Variants in METTL16 observed in about 807,000 individuals in gnomAD.
METTL16 encodes methyltransferase 16, RNA N6-adenosine.
In METTL16, 19 loss-of-function variants were observed where a neutral mutation model predicts 57.9. The ratio of observed to expected loss-of-function variants is 0.33; its 90% confidence interval spans 0.23 to 0.48. The LOEUF (loss-of-function observed/expected upper bound fraction) is 0.48, where lower values mean the gene tolerates loss of function less well. METTL16 is among the 20% of genes least tolerant of loss of function. METTL16 has a pLI of 0.99. For missense variants in METTL16, 434 were observed against 691.5 expected (o/e 0.63, Z 4.18); for synonymous variants, 246 against 255.6 (o/e 0.96, Z 0.36).
At chr17:2,445,606 CA>C (rs2066989210) in intron 6 of METTL16, among the ~76,000 whole-genome samples, 1 of 151,608 alleles carries the variant, frequency 6.6e-6, no homozygotes. Flanking sequence ...GCCAATATGG[CA>C]AAACCCCGCC....
At chr17:2,441,384 C>T in intron 7 of METTL16, 106 bp downstream of exon 7, 1 of 726,046 alleles carries the variant, frequency 1.4e-6, no homozygotes. Context: ...ACACTGAAAG[C>T]CCTGACTTCA....
intron 8 of METTL16, among the ~76,000 whole-genome samples, chr17:2,437,180 A>G (rs922563296): frequency 6.6e-6 from 1 of 152,132 alleles, no homozygotes; most frequent in African/African-American, 2.4e-5. Flanking sequence ...CCAGGCCTGG[A>G]CACAAATCAT....
At chr17:2,506,719 A>T (rs1440713484) in intron 1 of METTL16, among the ~76,000 whole-genome samples, 1 of 152,016 alleles carries the variant, frequency 6.6e-6, no homozygotes, top group Non-Finnish European at 1.5e-5. Flanking sequence ...CCGTCTGGGA[A>T]GTGAGGAGCG....
chr17:2,451,630 A>G (rs1225018684), intron 6 of METTL16, among the ~76,000 whole-genome samples: 3 of 152,016 alleles, frequency 2.0e-5, no homozygotes, highest in South Asian at 2.1e-4. Flanking sequence ...CCAAAAAAAA[A>G]AAAAGAAAAG....
In METTL16 at chr17:2,421,886, C is replaced by G. The variant is rs764726897; in HGVS notation, c.889-982G>C. On this transcript the variant is annotated intron_variant, in intron 8 of 9. Transcript: ENST00000263092. ...TGCCTTTTAGCTGGGGAGGGTGACA[C>G]CGGCGCTGATGAGAAGACTGGATTT... Among the ~76,000 whole-genome samples the G allele has an allele frequency of 1.2e-4, 18 of 152,100 alleles. 1 individual carries two copies. The highest frequency in any genetic ancestry group is 2.4e-4 in the Non-Finnish European group (16 of 68,022).
At chr17:2,464,682 G>GT (rs946917447) in intron 5 of METTL16, among the ~76,000 whole-genome samples, 3 of 151,998 alleles carry the variant, frequency 2.0e-5, no homozygotes, top group East Asian at 1.9e-4. Context: ...ATATTTACTT[G>GT]TTTTTTCCTA....
intron 7 of METTL16, among the ~76,000 whole-genome samples, chr17:2,440,909 T>A (rs2066945110): frequency 7.1e-6 from 1 of 139,962 alleles, no homozygotes; most frequent in Non-Finnish European, 1.5e-5. Context: ...GAGTTCAAGG[T>A]TACAGTGAGT....
chr17:2,461,178 C>A (rs1022901136), intron 6 of METTL16, among the ~76,000 whole-genome samples: 1 of 152,028 alleles, frequency 6.6e-6, no homozygotes, highest in Non-Finnish European at 1.5e-5. Flanking sequence ...CATGGTGAAA[C>A]CCCAACACTA....
At chr17:2,454,258 C>G (rs2067092247) in intron 6 of METTL16, among the ~76,000 whole-genome samples, 1 of 152,046 alleles carries the variant, frequency 6.6e-6, no homozygotes, top group South Asian at 2.1e-4. Context: ...ATTAAAAACT[C>G]AAGTGAAGTA....
In METTL16 at chr17:2,441,551, C is replaced by A; in HGVS notation, c.737G>T (p.Ser246Ile). ...GCTGCATTTCTTTCCCAGCATGCAG[C>A]TATACCATCTAGGAAAAAAAAAATC... ...LQLKKRLRWY[S>I]CMLGKKCSLA... is the part of the protein sequence containing the mutation. Residue 246 changes from serine (S) to isoleucine (I), a missense_variant, in exon 7 of 10, where the codon AGC becomes ATC. Physicochemically the swap from Ser to Ile is moderately radical, Grantham distance 142 (BLOSUM62 -2). Coordinates refer to ENST00000263092, the MANE Select transcript of METTL16 (RefSeq NM_024086.4). The A allele has an allele frequency of 1.9e-6, 3 of 1,571,656 alleles. No homozygotes were observed. The highest frequency in any genetic ancestry group is 1.4e-5 in the African/African-American group (1 of 73,302).
chr17:2,505,694 C>T (rs1239320702), intron 1 of METTL16, among the ~76,000 whole-genome samples: 1 of 152,054 alleles, frequency 6.6e-6, no homozygotes, highest in Non-Finnish European at 1.5e-5. Flanking sequence ...ACCTGGTTTA[C>T]AGTAGCCTCT....
chr17:2,493,368 C>CGTT (rs757559216), intron 2 of METTL16, among the ~76,000 whole-genome samples: 1 of 150,834 alleles, frequency 6.6e-6, no homozygotes, highest in South Asian at 2.1e-4. Context: ...GAATTACAGG[C>CGTT]AGCCACCACA....
chr17:2,507,508 G>T (rs1477901752), intron 1 of METTL16, among the ~76,000 whole-genome samples: 1 of 149,286 alleles, frequency 6.7e-6, no homozygotes. Context: ...GAGGTGGGGG[G>T]GTCAGCCCCC....
At chr17:2,491,704 T>C (rs1006583877) in intron 2 of METTL16, among the ~76,000 whole-genome samples, 3 of 149,502 alleles carry the variant, frequency 2.0e-5, no homozygotes, top group Admixed American at 6.7e-5. Context: ...TGAAACCCCG[T>C]CTCTATTAAA....
In METTL16 at chr17:2,510,976, AT is replaced by A. The variant is rs528916982; in HGVS notation, c.-1+782del. Among the ~76,000 whole-genome samples, 374 of 152,196 alleles carry A rather than the reference AT, an allele frequency of 2.5e-3. 1 individual carries two copies. The highest frequency in any genetic ancestry group is 8.7e-3 in the African/African-American group (363 of 41,498). ...GTCAGTAAGTTTCAAGAGGGTAAAT[AT>A]TTTGTCTGTCTTGTTCACCGCATAT... On this transcript the variant is annotated intron_variant, in intron 1 of 9. Transcript: ENST00000263092.
chr17:2,422,919 G>A (rs1305110108), intron 8 of METTL16, among the ~76,000 whole-genome samples: 1 of 152,114 alleles, frequency 6.6e-6, no homozygotes, highest in Non-Finnish European at 1.5e-5. Flanking sequence ...GGAGGTGCAG[G>A]TTGCAGTGAG....
chr17:2,501,857 CAA>C (rs71889986), intron 2 of METTL16, among the ~76,000 whole-genome samples: 51 of 100,360 alleles, frequency 5.1e-4, no homozygotes, highest in Middle Eastern at 5.3e-3. Context: ...GACTTTGTCT[CAA>C]AAAAAAAAAA....
chr17:2,455,866 C>G (rs2067106684), intron 6 of METTL16, among the ~76,000 whole-genome samples: 1 of 151,996 alleles, frequency 6.6e-6, no homozygotes, highest in Non-Finnish European at 1.5e-5. Flanking sequence ...ACGTATAGTC[C>G]TAGCTACTCA....
In METTL16 at chr17:2,432,928, G is replaced by A. The variant is rs1363206015; in HGVS notation, c.888+5181C>T. Reference sequence around the variant, plus strand: ...GGAAACTGAAGTTTAGCGAAGTTAAGTAGCCTGTTCTATGTAAAGCCAGAC... The same window carrying A: ...GGAAACTGAAGTTTAGCGAAGTTAAATAGCCTGTTCTATGTAAAGCCAGAC... On this transcript the variant is annotated intron_variant, in intron 8 of 9. Transcript: ENST00000263092. Among the ~76,000 whole-genome samples, 6 of 152,188 alleles carry A rather than the reference G, an allele frequency of 3.9e-5. No homozygotes were observed. In the East Asian group the frequency reaches 1.2e-3, roughly 29 times the overall value.
Sources: gnomAD v4.1 joint callset for allele counts (sites outside exome capture counted in the v4.1 genomes callset) on GRCh38, gnomAD v4.1.1 for gene constraint, MANE v1.5 for transcripts, NCBI Gene and HGNC (gene_info 2026-07-23, HGNC 2026-07-21) for gene names.